The following MS4A18 variants were observed in gnomAD, a reference collection of about 807,000 sequenced individuals.
MS4A18 encodes the protein membrane-spanning 4-domains subfamily A member 18.
A neutral mutation model predicts 13.1 loss-of-function variants in MS4A18; 27 were observed. That is an observed-to-expected ratio of 2.06 (90% CI 1.52 to 2.84). MS4A18 has a LOEUF of 2.84. Among genes scored for constraint, MS4A18 ranks in the 30% most tolerant of loss-of-function variants. The pLI, the probability that MS4A18 is intolerant of heterozygous loss-of-function variation, is 0.00. For synonymous variants in MS4A18, 126 were observed against 76.5 expected (o/e 1.65, Z -3.38); for missense variants, 307 against 196.4 (o/e 1.56, Z -3.37).
At chr11:60,739,719 A>C (rs1404192604) in intron 4 of MS4A18, among the ~76,000 whole-genome samples, 7 of 152,230 alleles carry the variant, frequency 4.6e-5, no homozygotes, top group Non-Finnish European at 2.9e-5. Flanking sequence ...GCTCATGGGC[A>C]AAGGAGTTTC....
At chr11:60,725,481 T>C (rs3133842), upstream of MS4A18, among the ~76,000 whole-genome samples, 134,013 of 152,184 alleles carry the variant, frequency 0.88, 59,062 homozygotes, top group Non-Finnish European at 0.9. Flanking sequence ...GGCAGAACCA[T>C]TCTCTTTGTT....
At chr11:60,733,601 C>T (rs781117971) in exon 2 of MS4A18, 10 of 703,512 alleles carry the variant, frequency 1.4e-5, no homozygotes, top group Non-Finnish European at 2.3e-5. Context: ...TATTACTATC[C>T]TTTTGTGACC....
At chr11:60,726,539 C>T (rs558560301), upstream of MS4A18, among the ~76,000 whole-genome samples, 1 of 152,036 alleles carries the variant, frequency 6.6e-6, no homozygotes, top group South Asian at 2.1e-4. Flanking sequence ...TTTCTAGTAG[C>T]TCTGGGGAGG....
intron 3 of MS4A18, among the ~76,000 whole-genome samples, chr11:60,737,904 G>A (rs1175216354): frequency 2.0e-5 from 3 of 152,116 alleles, no homozygotes; most frequent in Non-Finnish European, 2.9e-5. Context: ...ACCCCCTTTA[G>A]GAAGAGCAGA....
At chr11:60,729,717 C>T (rs1227144336) in exon 1 of MS4A18, 2 of 702,774 alleles carry the variant, frequency 2.8e-6, no homozygotes, top group South Asian at 3.0e-5. Context: ...CCCAGTGGAA[C>T]ACGTCATTTG....
At chr11:60,731,735 G>T (rs944558842) in intron 1 of MS4A18, among the ~76,000 whole-genome samples, 1 of 152,144 alleles carries the variant, frequency 6.6e-6, no homozygotes, top group Non-Finnish European at 1.5e-5. Context: ...ACAGTTGTTG[G>T]CCAAAGATTC....
At chr11:60,732,730 CAAAAAAAAAAAA>C (rs200295786) in intron 1 of MS4A18, among the ~76,000 whole-genome samples, 15 of 71,012 alleles carry the variant, frequency 2.1e-4, no homozygotes, top group African/African-American at 5.5e-4. Context: ...GACTCCGTCT[CAAAAAAAAAAAA>C]AAAAAAAAAA....
At chr11:60,735,500 A>AT (rs56136215) in intron 2 of MS4A18, among the ~76,000 whole-genome samples, 34,169 of 110,148 alleles carry the variant, frequency 0.31, 5,277 homozygotes, top group South Asian at 0.38. Context: ...TGCCCGGCTA[A>AT]TTTTTTTTTT....
chr11:60,733,592 A>AT lies in MS4A18; in HGVS notation c.538dup (p.Tyr180LeufsTer107). ...TTCTCTGCAATTAACCCTGTGCTGT[A>AT]TTACTATCCTTTTGTGACCTGGTTG... On this transcript the variant is annotated frameshift_variant, in exon 2 of 6. Coordinates refer to ENST00000529108, the Ensembl canonical transcript of MS4A18. LOFTEE classifies it high-confidence loss of function. The AT allele has an allele frequency of 1.4e-6, 1 of 703,592 alleles. No individual in the cohort carries two copies. Among genetic ancestry groups the AT allele is most frequent in the Non-Finnish European group, 2.6e-6 (1 of 385,140 alleles). 43.6% of individuals were successfully genotyped at this position (703,592 alleles called of 1,614,324 possible).
upstream of MS4A18, chr11:60,729,196 C>T (rs1347796649): frequency 4.9e-6 from 3 of 617,998 alleles, no homozygotes; most frequent in Non-Finnish European, 8.7e-6. Context: ...TGGTACCATG[C>T]TAGGTGATTC....
chr11:60,740,535 C>G (rs1853399799), intron 4 of MS4A18, among the ~76,000 whole-genome samples: 1 of 152,220 alleles, frequency 6.6e-6, no homozygotes, highest in Non-Finnish European at 1.5e-5. Flanking sequence ...CCCCTGGCCC[C>G]AGGCAAGTAG....
At chr11:60,725,360 A>ATT (rs758387660), upstream of MS4A18, among the ~76,000 whole-genome samples, 18 of 152,142 alleles carry the variant, frequency 1.2e-4, no homozygotes, top group Non-Finnish European at 2.5e-4. Flanking sequence ...CGCCCGGCTA[A>ATT]TTTTTTGTAT....
intron 2 of MS4A18, among the ~76,000 whole-genome samples, chr11:60,734,784 C>CTTTT (rs546950110): frequency 1.4e-5 from 2 of 138,844 alleles, no homozygotes; most frequent in Non-Finnish European, 1.6e-5. Flanking sequence ...CTTTTCTTTT[C>CTTTT]TTTTTTTTTT....
intron 5 of MS4A18, among the ~76,000 whole-genome samples, 196 bp from the exon 7 acceptor site, chr11:60,743,453 CA>C (rs1853435718): frequency 6.6e-6 from 1 of 152,220 alleles, no homozygotes; most frequent in Non-Finnish European, 1.5e-5. Flanking sequence ...TAAGAGAAAG[CA>C]AGCTCCAATG....
chr11:60,734,865 T>C (rs934655792), intron 2 of MS4A18, among the ~76,000 whole-genome samples: 3 of 151,424 alleles, frequency 2.0e-5, no homozygotes, highest in Admixed American at 2.0e-4. Flanking sequence ...CACTGTAACC[T>C]CTGCCTCCTG....
intron 4 of MS4A18, 37 bp from the exon 6 acceptor site, chr11:60,740,992 TG>T (rs932198395): frequency 1.3e-5 from 9 of 702,928 alleles, no homozygotes; most frequent in Non-Finnish European, 2.1e-5. Flanking sequence ...GCCATCAACC[TG>T]AAGGACTAAA....
intron 1 of MS4A18, among the ~76,000 whole-genome samples, chr11:60,732,730 CAAAAAAAAA>C (rs200295786): frequency 8.2e-4 from 58 of 71,006 alleles, no homozygotes; most frequent in African/African-American, 2.2e-3. Context: ...GACTCCGTCT[CAAAAAAAAA>C]AAAAAAAAAA....
intron 2 of MS4A18, among the ~76,000 whole-genome samples, chr11:60,734,694 T>C (rs1853308824): frequency 6.6e-6 from 1 of 152,044 alleles, no homozygotes; most frequent in African/African-American, 2.4e-5. Flanking sequence ...GTTAGTGTTT[T>C]ATGGGGACTG....
intron 2 of MS4A18, among the ~76,000 whole-genome samples, chr11:60,734,507 T>A (rs145299538): frequency 1.0e-3 from 156 of 152,308 alleles, no homozygotes; most frequent in African/African-American, 3.7e-3. Flanking sequence ...CAGATGTTAA[T>A]CATTTACCAG....
Sources: gnomAD v4.1 joint callset for allele counts (sites outside exome capture counted in the v4.1 genomes callset) on GRCh38, gnomAD v4.1.1 for gene constraint, MANE v1.5 for transcripts, NCBI Gene and HGNC (gene_info 2026-07-23, HGNC 2026-07-21) for gene names.